PALS1: variants seen among roughly 807,000 people sequenced by gnomAD.
The protein encoded by PALS1 is protein associated with LIN7 1, MAGUK p55 family member.
A neutral mutation model predicts 78.9 loss-of-function variants in PALS1; 31 were observed. The observed-to-expected ratio is 0.39, with a 90% CI of 0.30 to 0.53. The LOEUF is 0.53. Ranked by LOEUF, PALS1 falls within the 20% of genes least tolerant of loss-of-function variation. The probability of loss-of-function intolerance (pLI) is 0.67; values close to 1 mark genes in which losing one functional copy is unlikely to be tolerated. For synonymous variants in PALS1, 276 were observed against 270.9 expected (o/e 1.02, Z -0.18); for missense variants, 704 against 826.5 (o/e 0.85, Z 1.82).
chr14:67,260,174 A>G (rs527788347), intron 1 of PALS1, among the ~76,000 whole-genome samples: 3 of 152,354 alleles, frequency 2.0e-5, no homozygotes, highest in Admixed American at 2.0e-4. Flanking sequence ...TCCATCTTCC[A>G]GCAATCCATA....
rs946540453 is a variant in PALS1 at position 67,334,713 on chromosome 14, A to G, written c.*1757A>G. The G allele has an allele frequency of 7.9e-5, 12 of 152,262 alleles. No individual in the cohort carries two copies. Among genetic ancestry groups the G allele is most frequent in the African/African-American group, 2.4e-4 (10 of 41,444 alleles). The allele number at this position is 152,262 out of a possible 1,614,324, so 9.4% of individuals were successfully genotyped here. Reference sequence around the variant, plus strand: ...GTTGAGGGAAGGAATGCCATACACTACTGTCTCTTCAGATCTGAAATACTC... The same window carrying G: ...GTTGAGGGAAGGAATGCCATACACTGCTGTCTCTTCAGATCTGAAATACTC... On this transcript the variant is annotated 3_prime_UTR_variant, in exon 15 of 15. Coordinates refer to ENST00000261681, the MANE Select transcript of PALS1 (RefSeq NM_022474.4).
chr14:67,303,664 T>A, intron 8 of PALS1, 65 bp downstream of exon 8: 9 of 1,117,760 alleles, frequency 8.1e-6, no homozygotes, highest in African/African-American at 1.5e-5. Flanking sequence ...TGTTACTGTT[T>A]ACTGTTACAG....
In PALS1 at chr14:67,279,342, C is replaced by T. The variant is rs1219307051; in HGVS notation, c.172C>T (p.Arg58Cys). The T allele has an allele frequency of 3.7e-6, 6 of 1,613,366 alleles. No individual in the cohort carries two copies. Among genetic ancestry groups the T allele is most frequent in the East Asian group, 2.2e-5 (1 of 44,838 alleles). ...MPIRRSAQLE[R>C]IRQQQEDMRR... ...AATACGTCGAAGTGCACAGTTGGAG[C>T]GTATTCGGCAACAACAGGAGGACAT... The change falls in exon 3 of 15, where the codon CGT becomes TGT. Residue 58 changes from arginine to cysteine, a missense_variant. Coordinates refer to ENST00000261681, the MANE Select transcript of PALS1 (RefSeq NM_022474.4).
At chr14:67,323,858 A>G in intron 14 of PALS1, 46 bp downstream of exon 14, 1 of 989,280 alleles carries the variant, frequency 1.0e-6, no homozygotes, top group Non-Finnish European at 1.5e-6. Context: ...GGTAAACATG[A>G]AACAGTCCTG....
chr14:67,302,154 T>C (rs1400086715), intron 6 of PALS1, 36 bp downstream of exon 6: 2 of 1,559,174 alleles, frequency 1.3e-6, no homozygotes, highest in African/African-American at 1.4e-5. Flanking sequence ...AACAAGTGCA[T>C]TTTTCTGCTG....
chr14:67,265,654 C>T (rs977473648), intron 1 of PALS1, among the ~76,000 whole-genome samples: 1 of 151,974 alleles, frequency 6.6e-6, no homozygotes, highest in Non-Finnish European at 1.5e-5. Flanking sequence ...GTCAGAAGTT[C>T]AAGACCAGCC....
chr14:67,328,758 T>G (rs906290159), intron 14 of PALS1, among the ~76,000 whole-genome samples: 2 of 152,348 alleles, frequency 1.3e-5, no homozygotes, highest in Non-Finnish European at 2.9e-5. Flanking sequence ...TTCTTCTTTT[T>G]GTCAGGTTTG....
intron 4 of PALS1, among the ~76,000 whole-genome samples, chr14:67,299,240 C>G (rs993729746): frequency 2.6e-5 from 4 of 152,202 alleles, no homozygotes; most frequent in Admixed American, 2.0e-4. Flanking sequence ...CCATTTTAAT[C>G]GTCTTGAGTT....
intron 14 of PALS1, among the ~76,000 whole-genome samples, chr14:67,325,526 C>T (rs995006402): frequency 1.3e-5 from 2 of 152,136 alleles, no homozygotes; most frequent in African/African-American, 2.4e-5. Flanking sequence ...AGCATGGTCA[C>T]TGGCTGTTCT....
chr14:67,310,663 A>G (rs1302967918), intron 8 of PALS1, among the ~76,000 whole-genome samples: 1 of 152,134 alleles, frequency 6.6e-6, no homozygotes, highest in African/African-American at 2.4e-5. Flanking sequence ...TAGCTGTTTA[A>G]CTTTTATATC....
intron 1 of PALS1, among the ~76,000 whole-genome samples, chr14:67,261,589 C>T (rs2084238207): frequency 6.6e-6 from 1 of 152,080 alleles, no homozygotes; most frequent in African/African-American, 2.4e-5. Context: ...TGACATGTGG[C>T]TCACTTTGCC....
At chr14:67,249,951 C>G (rs1464679055) in intron 1 of PALS1, among the ~76,000 whole-genome samples, 1 of 152,136 alleles carries the variant, frequency 6.6e-6, no homozygotes, top group Non-Finnish European at 1.5e-5. Context: ...TATTTAGATA[C>G]TCATTTTTGT....
In PALS1 at chr14:67,324,897, A is replaced by ATTTTT. The variant is rs1197663812; in HGVS notation, c.1851+1106_1851+1110dup. Among the ~76,000 whole-genome samples the ATTTTT allele has an allele frequency of 4.1e-3, 310 of 76,322 alleles. 31 individuals carry two copies. The highest frequency in any genetic ancestry group is 0.014 in the African/African-American group (235 of 17,348). 50.1% of individuals were successfully genotyped at this position (76,322 alleles called of 152,430 possible). On this transcript the variant is annotated intron_variant, in intron 14 of 14. Transcript: ENST00000261681. Reference sequence around the variant, plus strand: ...AGCTACCACGCCCAGCCTTCCTTTCATTTTTTTTTTTTTTTTTTTTTTTTT... The same window carrying ATTTTT: ...AGCTACCACGCCCAGCCTTCCTTTCATTTTTTTTTTTTTTTTTTTTTTTTTTTTTT...
chr14:67,327,514 A>C (rs1195296939), intron 14 of PALS1, among the ~76,000 whole-genome samples: 1 of 151,744 alleles, frequency 6.6e-6, no homozygotes, highest in African/African-American at 2.4e-5. Flanking sequence ...TTATACTTTA[A>C]GTTCTAGGGT....
At chr14:67,278,048 T>G (rs939682690) in intron 2 of PALS1, among the ~76,000 whole-genome samples, 1 of 151,750 alleles carries the variant, frequency 6.6e-6, no homozygotes, top group Non-Finnish European at 1.5e-5. Flanking sequence ...CTTTTTTTTT[T>G]TTTTTTGAGA....
At chr14:67,271,355 T>G (rs1171468972) in intron 2 of PALS1, 2 of 152,208 alleles carry the variant, frequency 1.3e-5, no homozygotes, top group Non-Finnish European at 2.9e-5. Context: ...GGTTCTGGAG[T>G]TATACTGCCT....
rs764103366 is a variant in PALS1, at chr14:67,323,796, A to G, written c.1835A>G (p.Glu612Gly). The G allele has an allele frequency of 5.1e-6, 8 of 1,574,376 alleles. No homozygotes were observed. Among genetic ancestry groups the G allele is most frequent in the Admixed American group, 3.6e-5 (2 of 55,660 alleles). ...AGACTTCGGGCATTATTGGCCAAAG[A>G]AGGCAAGAATCCAAAGGTAAAGTTT... ...QERLRALLAK[E>G]GKNPKPEELR... The change falls in exon 14 of 15, where the codon GAA becomes GGA. Residue 612 changes from glutamate to glycine, a missense_variant. Coordinates refer to ENST00000261681, the MANE Select transcript of PALS1 (RefSeq NM_022474.4).
At chr14:67,264,243 G>C (rs12589218) in intron 1 of PALS1, among the ~76,000 whole-genome samples, 23,552 of 152,032 alleles carry the variant, frequency 0.15, 3,440 homozygotes, top group East Asian at 0.42. Flanking sequence ...GGATGACAGT[G>C]GTATTTAAAT....
At chr14:67,264,511 C>T (rs1177130481) in intron 1 of PALS1, among the ~76,000 whole-genome samples, 1 of 151,974 alleles carries the variant, frequency 6.6e-6, no homozygotes, top group Non-Finnish European at 1.5e-5. Flanking sequence ...TCTGATCTCA[C>T]GTTTAAGTTT....
Sources: allele counts gnomAD v4.1 joint callset (sites outside exome capture counted in the v4.1 genomes callset), GRCh38; gene constraint gnomAD v4.1.1; transcripts MANE v1.5; gene names NCBI Gene and HGNC (gene_info 2026-07-23, HGNC 2026-07-21).